Variants in GARIN5A observed in about 807,000 individuals in gnomAD.
GARIN5A encodes the protein golgi associated RAB2 interactor 5A.
At chr19:50,471,768 A>G in the GARIN5A span, among the ~76,000 whole-genome samples, 2 of 138,276 alleles carry the variant, frequency 1.4e-5, no homozygotes, top group East Asian at 2.2e-4. Context: ...GTATACGCAT[A>G]CATACCTGTG....
the GARIN5A span, chr19:50,476,052 G>A: frequency 5.6e-6 from 9 of 1,605,802 alleles, no homozygotes; most frequent in Admixed American, 1.7e-5. Flanking sequence ...GGTATCAGAT[G>A]CCCCCGAATT....
the GARIN5A span, chr19:50,476,367 C>G: frequency 4.8e-5 from 75 of 1,570,422 alleles, 1 homozygote; most frequent in South Asian, 4.3e-4. Context: ...TCCTGGAGAT[C>G]AGGCCAAAGG....
chr19:50,474,625 G>A, the GARIN5A span, among the ~76,000 whole-genome samples: 5 of 152,130 alleles, frequency 3.3e-5, no homozygotes, highest in Admixed American at 2.0e-4. Flanking sequence ...GATTACAAGC[G>A]TGAGCCACCG....
At chr19:50,474,776 C>T in the GARIN5A span, among the ~76,000 whole-genome samples, 17 of 152,126 alleles carry the variant, frequency 1.1e-4, no homozygotes, top group Non-Finnish European at 2.4e-4. Flanking sequence ...TGTGGGCCAC[C>T]GCACCCGATC....
the GARIN5A span, chr19:50,476,369 G>A: frequency 6.4e-7 from 1 of 1,566,296 alleles, no homozygotes; most frequent in Admixed American, 1.8e-5. Flanking sequence ...CTGGAGATCA[G>A]GCCAAAGGGG....
chr19:50,470,262 G>A, the GARIN5A span, among the ~76,000 whole-genome samples: 1 of 152,122 alleles, frequency 6.6e-6, no homozygotes, highest in African/African-American at 2.4e-5. Context: ...GCCTGTAATC[G>A]CAGCACTTTG....
chr19:50,473,030 C>G, the GARIN5A span, among the ~76,000 whole-genome samples: 2 of 152,044 alleles, frequency 1.3e-5, no homozygotes, highest in African/African-American at 4.8e-5. Flanking sequence ...AACACATAAA[C>G]AAAAATAAAG....
chr19:50,476,417 C>T, the GARIN5A span: 13 of 1,546,152 alleles, frequency 8.4e-6, no homozygotes, highest in South Asian at 1.2e-5. Flanking sequence ...CAGGTGCGGA[C>T]GGGTGCCAGT....
At chr19:50,476,102 C>T in the GARIN5A span, 2 of 1,611,848 alleles carry the variant, frequency 1.2e-6, no homozygotes, top group East Asian at 2.2e-5. Context: ...CAGGTCCAAC[C>T]CCTCTAGGCC....
chr19:50,474,347 T>TTC, the GARIN5A span, among the ~76,000 whole-genome samples: 12 of 131,034 alleles, frequency 9.2e-5, no homozygotes, highest in African/African-American at 3.2e-4. Flanking sequence ...ACCTGGCTAA[T>TTC]TTTTTTTTTT....
chr19:50,470,646 T>C, the GARIN5A span, among the ~76,000 whole-genome samples: 1 of 146,852 alleles, frequency 6.8e-6, no homozygotes, highest in African/African-American at 2.5e-5. Flanking sequence ...GTATGGCTTG[T>C]GGCTACTGCT....
chr19:50,474,163 CT>C, the GARIN5A span, among the ~76,000 whole-genome samples: 4 of 140,790 alleles, frequency 2.8e-5, no homozygotes, highest in African/African-American at 1.1e-4. Context: ...TTTCTCTTTT[CT>C]TTTCTTTTTT....
chr19:50,473,445 C>A, the GARIN5A span, among the ~76,000 whole-genome samples: 1 of 152,158 alleles, frequency 6.6e-6, no homozygotes, highest in Admixed American at 6.6e-5. Flanking sequence ...CAGCCTCGAA[C>A]TCCTGGGCTC....
chr19:50,475,756 A>T, the GARIN5A span: 1 of 1,040,980 alleles, frequency 9.6e-7, no homozygotes, highest in Non-Finnish European at 1.5e-6. Flanking sequence ...GTTATGGGGG[A>T]GCAGGGGCTT....
the GARIN5A span, among the ~76,000 whole-genome samples, chr19:50,471,941 AGTATATATACATGTATGTAT>A: frequency 2.2e-5 from 3 of 134,980 alleles, no homozygotes; most frequent in Non-Finnish European, 4.6e-5. Context: ...TATGTGTGTA[AGTATATATACATGTATGTAT>A]GTATATATAC....
At chr19:50,476,572 C>A in the GARIN5A span, 1 of 1,575,526 alleles carries the variant, frequency 6.3e-7, no homozygotes, top group African/African-American at 1.3e-5. Context: ...TGGGGCAACC[C>A]GGCTGCTCCT....
At chr19:50,473,954 TCCAG>T in the GARIN5A span, among the ~76,000 whole-genome samples, 2 of 151,894 alleles carry the variant, frequency 1.3e-5, no homozygotes, top group Non-Finnish European at 2.9e-5. Context: ...GCCACTGCAC[TCCAG>T]CCTGGAGACT....
At chr19:50,467,528 C>T in the GARIN5A span, 2 of 1,421,680 alleles carry the variant, frequency 1.4e-6, no homozygotes, top group East Asian at 2.5e-5. Context: ...CCCTCTGCTG[C>T]CCCACTGCGC....
chr19:50,472,986 C>A, the GARIN5A span, among the ~76,000 whole-genome samples: 2 of 152,128 alleles, frequency 1.3e-5, no homozygotes, highest in Admixed American at 6.6e-5. Context: ...AGTTCAAGAC[C>A]AGCCTGGGCA....
Sources: allele counts gnomAD v4.1 joint callset (sites outside exome capture counted in the v4.1 genomes callset), GRCh38; gene constraint gnomAD v4.1.1; transcripts MANE v1.5; gene names NCBI Gene and HGNC (gene_info 2026-07-23, HGNC 2026-07-21).